USP45: variants seen among roughly 807,000 people sequenced by gnomAD.
USP45 encodes the protein ubiquitin specific peptidase 45.
USP45 carries 89 observed loss-of-function variants against 95.8 expected under a neutral mutation model. The observed-to-expected ratio is 0.93, with a 90% CI of 0.78 to 1.11. USP45 has a LOEUF of 1.11. Among genes scored for constraint, USP45 ranks in the 50% least tolerant of loss-of-function variants. The pLI, the probability that USP45 is intolerant of heterozygous loss-of-function variation, is 0.00. For missense variants in USP45, 898 were observed against 942.5 expected (o/e 0.95, Z 0.62); for synonymous variants, 281 against 316.2 (o/e 0.89, Z 1.18).
Position 99,488,772 on chromosome 6 carries a change from T to A in USP45, c.527A>T (p.Asp176Val). ...MKLCEEKCET[D>V]EIQKGGKCRN... is the part of the protein sequence containing the mutation. ...GCATTTTCCTCCCTTCTGTATTTCA[T>A]CTGTTTCACATTTTTCTTCACAAAG... Residue 176 changes from aspartate to valine, a missense_variant, in exon 6 of 18, where the codon GAT becomes GTT. Physicochemically the swap from Asp to Val is radical, Grantham distance 152. Transcript: ENST00000500704. 6.2e-7 allele frequency: 1 copy of A among 1,603,178 alleles called. No homozygotes were observed. The highest frequency in any genetic ancestry group is 8.5e-7 in the Non-Finnish European group (1 of 1,176,170).
In USP45 at chr6:99,464,757, T is replaced by C. The variant is rs895894938; in HGVS notation, c.1165-10A>G. ...GTAAAGGTTTTGAAACCTATGTAAATGCCACATACAGAAACCAAAACCTCT... is the reference window on the plus strand; with the variant it reads ...GTAAAGGTTTTGAAACCTATGTAAACGCCACATACAGAAACCAAAACCTCT... On this transcript the variant is annotated splice_polypyrimidine_tract_variant and intron_variant, in intron 12 of 17. Coordinates refer to ENST00000500704, the MANE Select transcript of USP45 (RefSeq NM_001346022.3). The C allele has an allele frequency of 6.3e-7, 1 of 1,591,428 alleles. No homozygotes were observed. Among genetic ancestry groups the C allele is most frequent in the African/African-American group, 1.4e-5 (1 of 74,020 alleles).
intron 5 of USP45, among the ~76,000 whole-genome samples, chr6:99,496,489 A>G (rs1428395873): frequency 6.6e-6 from 1 of 152,166 alleles, no homozygotes; most frequent in Non-Finnish European, 1.5e-5. Context: ...TGAGCTTAAT[A>G]AATTCAGCAG....
intron 5 of USP45, among the ~76,000 whole-genome samples, chr6:99,499,435 A>G (rs1342485438): frequency 6.6e-6 from 1 of 152,220 alleles, no homozygotes; most frequent in Non-Finnish European, 1.5e-5. Flanking sequence ...TTATAAAAAT[A>G]TACGGAAGCC....
At chr6:99,517,375 C>G (rs1276844241), upstream of USP45, among the ~76,000 whole-genome samples, 1 of 151,982 alleles carries the variant, frequency 6.6e-6, no homozygotes, top group African/African-American at 2.4e-5. Context: ...TATGGGGAAT[C>G]TTTGTTAAGC....
intron 13 of USP45, among the ~76,000 whole-genome samples, 182 bp downstream of exon 13, chr6:99,464,422 G>C (rs985007182): frequency 6.6e-6 from 1 of 152,220 alleles, no homozygotes; most frequent in African/African-American, 2.4e-5. Flanking sequence ...TCTGGGATGG[G>C]AGGAAGGGGA....
chr6:99,497,709 C>CT (rs893216141), intron 5 of USP45, among the ~76,000 whole-genome samples: 24 of 152,170 alleles, frequency 1.6e-4, no homozygotes, highest in African/African-American at 5.8e-4. Context: ...CTGCTTAAAA[C>CT]TTAACAGTGG....
chr6:99,495,993 C>T (rs1796201353), intron 5 of USP45, among the ~76,000 whole-genome samples: 1 of 152,112 alleles, frequency 6.6e-6, no homozygotes, highest in Non-Finnish European at 1.5e-5. Context: ...ATTAAAAACC[C>T]TATATGTAAA....
chr6:99,434,598 TCAAA>T lies in USP45; in HGVS notation c.*1114_*1117del, dbSNP rs1780173757. On this transcript the variant is annotated 3_prime_UTR_variant, in exon 18 of 18. Coordinates refer to ENST00000500704, the MANE Select transcript of USP45 (RefSeq NM_001346022.3). ...TTTTTGCTATTATTTAAAAAGAAAATCAAAAATGCCAGCTTAATGCCCCATTAAA... is the reference window on the plus strand; with the variant it reads ...TTTTTGCTATTATTTAAAAAGAAAATAATGCCAGCTTAATGCCCCATTAAA... The T allele has an allele frequency of 6.6e-6, 1 of 152,002 alleles. No individual in the cohort carries two copies. 9.4% of individuals were successfully genotyped at this position (152,002 alleles called of 1,614,324 possible). A position where few individuals can be genotyped will look rare whatever the true frequency, so the allele number is the denominator to read the frequency against.
At chr6:99,474,544 T>C (rs986513732) in intron 9 of USP45, among the ~76,000 whole-genome samples, 1 of 152,176 alleles carries the variant, frequency 6.6e-6, no homozygotes, top group Admixed American at 6.5e-5. Context: ...GCACTACTTA[T>C]CACAAGCACA....
chr6:99,448,934 T>G (rs1368708716), intron 13 of USP45, among the ~76,000 whole-genome samples: 2 of 152,046 alleles, frequency 1.3e-5, no homozygotes, highest in East Asian at 3.9e-4. Flanking sequence ...GCTTCATAAG[T>G]GAACGAGAAA....
intron 1 of USP45, among the ~76,000 whole-genome samples, chr6:99,510,438 A>T (rs993386654): frequency 1.3e-5 from 2 of 152,206 alleles, no homozygotes; most frequent in African/African-American, 4.8e-5. Context: ...GCTTTTGCCA[A>T]CTATACCATT....
At chr6:99,473,433 G>A (rs1789948632) in intron 9 of USP45, among the ~76,000 whole-genome samples, 1 of 151,990 alleles carries the variant, frequency 6.6e-6, no homozygotes, top group African/African-American at 2.4e-5. Flanking sequence ...TGTAATCCCA[G>A]CTATTCAGGA....
intron 5 of USP45, among the ~76,000 whole-genome samples, chr6:99,498,936 A>C (rs1796848357): frequency 6.6e-6 from 1 of 152,180 alleles, no homozygotes; most frequent in Admixed American, 6.5e-5. Context: ...AACATGGCAT[A>C]GTATTTATTT....
chr6:99,443,413 A>G (rs923228322), intron 15 of USP45, 152 bp downstream of exon 15: 13 of 484,108 alleles, frequency 2.7e-5, no homozygotes, highest in Non-Finnish European at 4.3e-5. Context: ...AGTCTTATAA[A>G]CTATTATGGC....
intron 13 of USP45, chr6:99,462,303 T>C (rs1485803143): frequency 4.1e-6 from 4 of 985,076 alleles, no homozygotes; most frequent in Non-Finnish European, 4.8e-6. Flanking sequence ...CTATATATCA[T>C]ATATGCATAT....
At chr6:99,461,828 T>C (rs1256819735) in intron 13 of USP45, 30 of 982,324 alleles carry the variant, frequency 3.1e-5, no homozygotes, top group Admixed American at 1.2e-4. Context: ...GTCACAAATA[T>C]CTTTATACTC....
Position 99,513,863 on chromosome 6 carries a change from T to C in USP45, c.-11+1529A>G, listed in dbSNP as rs571084293. Among the ~76,000 whole-genome samples, 4 of 152,302 alleles carry C rather than the reference T, an allele frequency of 2.6e-5. No individual in the cohort carries two copies. The East Asian group carries it at 7.7e-4, about 29-fold the overall frequency. Reference sequence around the variant, plus strand: ...AAAGTCCAATTATTAGAGCTTCCAATACTTTTTATCATCAAAATTGTGTCT... The same window carrying C: ...AAAGTCCAATTATTAGAGCTTCCAACACTTTTTATCATCAAAATTGTGTCT... On this transcript the variant is annotated intron_variant, in intron 1 of 17. Transcript: ENST00000500704.
chr6:99,440,330 A>G (rs1001206393), intron 15 of USP45, among the ~76,000 whole-genome samples: 1 of 152,228 alleles, frequency 6.6e-6, no homozygotes, highest in Non-Finnish European at 1.5e-5. Context: ...GAACACTCAA[A>G]ACATTTTATC....
At chr6:99,513,999 G>A (rs775781520) in intron 1 of USP45, among the ~76,000 whole-genome samples, 3 of 152,082 alleles carry the variant, frequency 2.0e-5, no homozygotes, top group Non-Finnish European at 4.4e-5. Flanking sequence ...AGTACCACTA[G>A]GAAATATATC....
Sources: gnomAD v4.1 joint callset for allele counts (sites outside exome capture counted in the v4.1 genomes callset) on GRCh38, gnomAD v4.1.1 for gene constraint, MANE v1.5 for transcripts, NCBI Gene and HGNC (gene_info 2026-07-23, HGNC 2026-07-21) for gene names.